The following CLIP4 variants were observed in gnomAD, a reference collection of about 807,000 sequenced individuals.
CLIP4 encodes CAP-Gly domain-containing linker protein 4.
CLIP4 carries 47 observed loss-of-function variants against 73.1 expected under a neutral mutation model. The ratio of observed to expected loss-of-function variants is 0.64; its 90% CI spans 0.51 to 0.82. The LOEUF (loss-of-function observed/expected upper bound fraction) is 0.82, where lower values mean the gene tolerates loss of function less well. CLIP4 is among the 40% of genes least tolerant of loss of function. The probability of loss-of-function intolerance (pLI) is 0.00; values close to 1 mark genes in which losing one functional copy is unlikely to be tolerated. For synonymous variants in CLIP4, 306 were observed against 295.4 expected (o/e 1.04, Z -0.37); for missense variants, 874 against 852.9 (o/e 1.02, Z -0.31).
At chr2:29,150,643 CTTTTTTTTT>C (rs34553625) in intron 8 of CLIP4, among the ~76,000 whole-genome samples, 62 of 80,238 alleles carry the variant, frequency 7.7e-4, no homozygotes, top group African/African-American at 2.5e-3. Context: ...TTGATTTGCT[CTTTTTTTTT>C]TTTTTTTTTT....
chr2:29,160,296 C>T, intron 11 of CLIP4, 37 bp from the exon 12 acceptor site: 3 of 1,613,546 alleles, frequency 1.9e-6, no homozygotes, highest in Non-Finnish European at 2.5e-6. Flanking sequence ...CTCCTCTTTT[C>T]CTGCCCTGCC....
rs747159834 is a variant in CLIP4, at chr2:29,163,900, A to G, written c.1604A>G (p.Tyr535Cys). 9.3e-6 allele frequency: 15 copies of G among 1,613,626 alleles called. No homozygotes were observed. In the South Asian group the frequency reaches 1.5e-4, roughly 17 times the overall value. The change falls in exon 13 of 16, where the codon TAT (tyrosine) becomes TGT (cysteine). Residue 535 changes from tyrosine (Y) to cysteine (C), a missense_variant. Tyr to Cys is a radical substitution (Grantham distance 194). Transcript: ENST00000320081. ...KNDGSVGGVQ[Y>C]FSCSPRYGIF... The stretch of plus-strand genomic sequence containing the variant: ...GATGGTTCAGTTGGAGGTGTGCAGT[A>G]TTTTAGCTGTTCTCCAAGATATGGA...
chr2:29,106,988 A>C (rs570587302), intron 1 of CLIP4, among the ~76,000 whole-genome samples: 2 of 152,286 alleles, frequency 1.3e-5, no homozygotes, highest in African/African-American at 4.8e-5. Flanking sequence ...GAACAATCTT[A>C]TTATGAATGC....
rs142175946 is a variant in CLIP4, at chr2:29,143,952, T to C, written c.885+7T>C. ...TGTTATTGCAGGACAGAAGGTACAG[T>C]AAGTAACTGCAATCTCTGAAGCCAG... On this transcript the variant is annotated splice_region_variant and intron_variant, in intron 7 of 15. Transcript: ENST00000320081. 2.0e-4 allele frequency: 319 copies of C among 1,610,662 alleles called. 2 individuals are homozygous for C. The East Asian group carries it at 5.0e-3, about 25-fold the overall frequency.
At chr2:29,101,298 A>ACC (rs1414033305) in intron 1 of CLIP4, among the ~76,000 whole-genome samples, 162 of 148,600 alleles carry the variant, frequency 1.1e-3, no homozygotes, top group Non-Finnish European at 1.9e-3. Flanking sequence ...CCCCCCCCAA[A>ACC]ACAAAAAAAA....
At chr2:29,136,957 A>G (rs1429081915) in intron 6 of CLIP4, among the ~76,000 whole-genome samples, 2 of 151,958 alleles carry the variant, frequency 1.3e-5, no homozygotes, top group African/African-American at 4.8e-5. Flanking sequence ...AACTACTTAA[A>G]AAAAAAAAAG....
chr2:29,106,226 T>G (rs115133116), intron 1 of CLIP4, among the ~76,000 whole-genome samples: 3,900 of 152,242 alleles, frequency 0.026, 134 homozygotes, highest in East Asian at 0.091. Context: ...AGAAGTCAAA[T>G]AATGGAAGTA....
At chr2:29,159,686 A>G (rs1004243444) in intron 11 of CLIP4, among the ~76,000 whole-genome samples, 4 of 99,280 alleles carry the variant, frequency 4.0e-5, no homozygotes, top group African/African-American at 1.1e-4. Context: ...GTTTCTTTAA[A>G]AAAAAAAAAA....
intron 6 of CLIP4, among the ~76,000 whole-genome samples, chr2:29,136,830 A>G (rs1665399394): frequency 6.6e-6 from 1 of 152,064 alleles, no homozygotes; most frequent in Non-Finnish European, 1.5e-5. Flanking sequence ...GCTGTTGACA[A>G]AGCCCCATTA....
chr2:29,138,139 G>T (rs1327636094), intron 6 of CLIP4, among the ~76,000 whole-genome samples: 1 of 152,096 alleles, frequency 6.6e-6, no homozygotes, highest in East Asian at 1.9e-4. Flanking sequence ...GTAGTTCGAG[G>T]TCTTACATTT....
intron 6 of CLIP4, among the ~76,000 whole-genome samples, chr2:29,140,023 A>C (rs1558538860): frequency 6.6e-6 from 1 of 151,332 alleles, no homozygotes; most frequent in African/African-American, 2.4e-5. Context: ...CTTTGGGTTT[A>C]GTTTGTTCTT....
rs183449802 is a variant in CLIP4 at position 29,143,191 on chromosome 2, C to T, written c.649-518C>T. 2.4e-4 allele frequency among the ~76,000 whole-genome samples: 37 copies of T among 152,318 alleles called. No individual in the cohort carries two copies. In the East Asian group the frequency reaches 3.7e-3, roughly 15 times the overall value. On this transcript the variant is annotated intron_variant, in intron 6 of 15. Coordinates refer to ENST00000320081, the MANE Select transcript of CLIP4 (RefSeq NM_024692.6). ...CCAAGCTTGCTTTCTCATGCCTCTG[C>T]GGGCAGAATGCTCTCCGTTTAGGAC... is the stretch of plus-strand genomic sequence containing the variant.
rs1207062091 is a variant in CLIP4, at chr2:29,130,555, A to T, written c.134-703A>T. The T allele has an allele frequency of 6.2e-6, 6 of 961,270 alleles. No individual in the cohort carries two copies. The East Asian group carries it at 4.0e-4, about 65-fold the overall frequency. 59.5% of individuals were successfully genotyped at this position (961,270 alleles called of 1,614,324 possible). ...GAATAGGTCCTTACAGGTTTTCCTG[A>T]GCTGGGGGTGGGACTTTGGCTCAGA... On this transcript the variant is annotated intron_variant, in intron 2 of 15. Coordinates refer to ENST00000320081, the MANE Select transcript of CLIP4 (RefSeq NM_024692.6).
intron 14 of CLIP4, among the ~76,000 whole-genome samples, chr2:29,173,413 A>T (rs1030391248): frequency 2.6e-5 from 4 of 152,140 alleles, no homozygotes; most frequent in African/African-American, 9.7e-5. Context: ...CGCTTTAACC[A>T]AGAATCTTTT....
chr2:29,118,555 C>T (rs867560758), intron 1 of CLIP4, among the ~76,000 whole-genome samples: 1 of 142,416 alleles, frequency 7.0e-6, no homozygotes, highest in Non-Finnish European at 1.5e-5. Flanking sequence ...TTTCGCTCTT[C>T]TTGCCCAGGC....
intron 8 of CLIP4, among the ~76,000 whole-genome samples, chr2:29,148,569 G>C (rs1666331180): frequency 1.3e-5 from 2 of 152,110 alleles, no homozygotes; most frequent in African/African-American, 2.4e-5. Flanking sequence ...CTCTTAGCTT[G>C]TTTTTCTCTG....
At chr2:29,125,222 G>A (rs189371696) in intron 2 of CLIP4, among the ~76,000 whole-genome samples, 177 of 152,272 alleles carry the variant, frequency 1.2e-3, no homozygotes, top group Non-Finnish European at 2.2e-3. Context: ...GGCCCCTGGT[G>A]CCAGAAAGAT....
At chr2:29,101,585 T>G (rs986659702) in intron 1 of CLIP4, among the ~76,000 whole-genome samples, 2 of 152,176 alleles carry the variant, frequency 1.3e-5, no homozygotes, top group African/African-American at 4.8e-5. Context: ...AGGGTGGGTC[T>G]GCCTCTCCCA....
rs779726591 is a variant in CLIP4 at position 29,132,153 on chromosome 2, T to C, written c.275T>C (p.Ile92Thr). Residue 92 changes from isoleucine to threonine, a missense_variant and splice_region_variant, in exon 4 of 16, where the codon ATT (isoleucine) becomes ACT (threonine). Transcript: ENST00000320081. The stretch of plus-strand genomic sequence containing the variant: ...CCATATTTTCCTTGACTGCTTCAGA[T>C]TCTTAAGAGAGGTTGCAATGTGAAT... Reference protein sequence around the residue: ...QQNIDIIGNEILKRGCNVNDR... With the variant: ...QQNIDIIGNETLKRGCNVNDR... The C allele has an allele frequency of 5.0e-6, 8 of 1,612,900 alleles. No homozygotes were observed. The highest frequency in any genetic ancestry group is 6.8e-6 in the Non-Finnish European group (8 of 1,179,026).
Sources: gnomAD v4.1 joint callset for allele counts (sites outside exome capture counted in the v4.1 genomes callset) on GRCh38, gnomAD v4.1.1 for gene constraint, MANE v1.5 for transcripts, NCBI Gene and HGNC (gene_info 2026-07-23, HGNC 2026-07-21) for gene names.